DENND4C: variants seen among roughly 807,000 people sequenced by gnomAD.
DENND4C encodes the protein DENN domain-containing protein 4C.
A neutral mutation model predicts 203.0 loss-of-function variants in DENND4C; 108 were observed. The observed-to-expected ratio is 0.53, with a 90% CI of 0.46 to 0.62. The LOEUF is 0.62. Ranked by LOEUF, DENND4C falls within the 20% of genes least tolerant of loss-of-function variation. The probability of loss-of-function intolerance (pLI) is 0.00; values close to 1 mark genes in which losing one functional copy is unlikely to be tolerated. For synonymous variants in DENND4C, 871 were observed against 792.4 expected, an observed-to-expected ratio of 1.10 and a Z score of -1.67; for missense variants, 2,481 against 2,301.2, an observed-to-expected ratio of 1.08 and a Z score of -1.60.
At chr9:19,325,798 G>C (rs771712184) in intron 13 of DENND4C, 141 bp from the exon 14 acceptor site, 10 of 751,334 alleles carry the variant, frequency 1.3e-5, no homozygotes, top group Non-Finnish European at 2.0e-5. Context: ...TATGTATTCA[G>C]CCTAAAAATA....
chr9:19,249,664 G>T (rs993204348), intron 1 of DENND4C, among the ~76,000 whole-genome samples: 1 of 152,192 alleles, frequency 6.6e-6, no homozygotes, highest in Admixed American at 6.5e-5. Context: ...CCTGAGTGAA[G>T]AAAATCAACA....
intron 1 of DENND4C, among the ~76,000 whole-genome samples, chr9:19,245,981 C>A (rs764832580): frequency 6.7e-6 from 1 of 150,126 alleles, no homozygotes; most frequent in South Asian, 2.1e-4. Context: ...TTTTTCAGTT[C>A]TCTCACTGGA....
chr9:19,234,530 G>GTTT lies in DENND4C; in HGVS notation c.-18+3717_-18+3719dup, dbSNP rs34232597. On this transcript the variant is annotated intron_variant, in intron 1 of 32. Coordinates refer to ENST00000434457, the MANE Select transcript of DENND4C (RefSeq NM_001330640.2). ...TAGGTGTGAGCCACAGCACCTGGCT[G>GTTT]TTTTTTTTTTTTTTTTTTTTTTAAC... 9.7e-3 allele frequency among the ~76,000 whole-genome samples: 1,012 copies of GTTT among 104,322 alleles called. 27 individuals are homozygous for GTTT. The highest frequency in any genetic ancestry group is 0.033 in the Middle Eastern group (5 of 150). 68.4% of individuals were successfully genotyped at this position (104,322 alleles called of 152,430 possible).
At chr9:19,245,161 C>T (rs1824837781) in intron 1 of DENND4C, among the ~76,000 whole-genome samples, 1 of 152,054 alleles carries the variant, frequency 6.6e-6, no homozygotes, top group Admixed American at 6.6e-5. Flanking sequence ...TTTTATTGGT[C>T]TGATTTTTTT....
intron 4 of DENND4C, among the ~76,000 whole-genome samples, chr9:19,289,003 A>G (rs956619135): frequency 6.6e-6 from 1 of 152,212 alleles, no homozygotes; most frequent in Non-Finnish European, 1.5e-5. Flanking sequence ...GCAATCAGAA[A>G]GGTGTCAAAC....
chr9:19,305,468 T>G lies in DENND4C; in HGVS notation c.1428T>G (p.Asp476Glu). The G allele has an allele frequency of 6.2e-7, 1 of 1,613,932 alleles. No homozygotes were observed. The highest frequency in any genetic ancestry group is 1.1e-5 in the South Asian group (1 of 91,080). ...FIVGVDSRYF[D>E]LHDPPQDVVC... is the part of the protein sequence containing the mutation. ...TTGGAGTTGACTCAAGGTATTTTGATCTTCATGACCCACCACAAGATGTTG... is the reference window on the plus strand; with the variant it reads ...TTGGAGTTGACTCAAGGTATTTTGAGCTTCATGACCCACCACAAGATGTTG... Residue 476 changes from aspartate (D) to glutamate (E), a missense_variant, in exon 10 of 33, where the codon GAT becomes GAG. By Grantham distance (45) the Asp-to-Glu change is conservative (BLOSUM62 2). Transcript: ENST00000434457.
chr9:19,355,507 ATCCAGTTATCCCAATATT>A, intron 26 of DENND4C, among the ~76,000 whole-genome samples: 1 of 152,262 alleles, frequency 6.6e-6, no homozygotes, highest in African/African-American at 2.4e-5. Flanking sequence ...CCATGTAACA[ATCCAGTTATCCCAATATT>A]ATCCACTAAA....
chr9:19,299,174 T>C (rs1838050429), intron 7 of DENND4C, 55 bp from the exon 8 acceptor site: 9 of 1,342,964 alleles, frequency 6.7e-6, no homozygotes, highest in Admixed American at 2.5e-5. Context: ...TTGAAACTTA[T>C]CTCTTGGTTT....
intron 1 of DENND4C, among the ~76,000 whole-genome samples, chr9:19,271,005 A>G (rs1218015129): frequency 6.6e-6 from 1 of 152,188 alleles, no homozygotes; most frequent in Non-Finnish European, 1.5e-5. Context: ...GTACTTAGGA[A>G]TAAATCTGAC....
At chr9:19,262,137 A>C (rs1829538319) in intron 1 of DENND4C, among the ~76,000 whole-genome samples, 1 of 116,234 alleles carries the variant, frequency 8.6e-6, no homozygotes, top group African/African-American at 3.3e-5. Context: ...CCCAGGCTGG[A>C]GTGCAGTGGT....
At chr9:19,354,254 A>G (rs1824839466) in intron 26 of DENND4C, among the ~76,000 whole-genome samples, 1 of 152,172 alleles carries the variant, frequency 6.6e-6, no homozygotes, top group Admixed American at 6.6e-5. Flanking sequence ...TGTTACTACA[A>G]ACACCACGGT....
At chr9:19,306,885 A>T (rs1839791705) in intron 10 of DENND4C, among the ~76,000 whole-genome samples, 1 of 151,950 alleles carries the variant, frequency 6.6e-6, no homozygotes, top group Admixed American at 6.6e-5. Context: ...GGATCAAGTG[A>T]TTCTCCTGCC....
At chr9:19,269,663 T>C (rs1040967528) in intron 1 of DENND4C, among the ~76,000 whole-genome samples, 3 of 152,232 alleles carry the variant, frequency 2.0e-5, no homozygotes, top group African/African-American at 7.2e-5. Context: ...CTCTGTATTA[T>C]CTTGAATTTC....
intron 1 of DENND4C, among the ~76,000 whole-genome samples, chr9:19,275,298 CTTT>C (rs34272025): frequency 1.1e-5 from 1 of 87,366 alleles, no homozygotes; most frequent in Non-Finnish European, 2.2e-5. Flanking sequence ...TTTTCTTTCT[CTTT>C]TTTTTTTTTG....
At chr9:19,274,389 G>A (rs748263011) in intron 1 of DENND4C, among the ~76,000 whole-genome samples, 2 of 151,890 alleles carry the variant, frequency 1.3e-5, no homozygotes, top group Non-Finnish European at 2.9e-5. Context: ...TCCGCCTACC[G>A]GGTTCAAGCG....
At chr9:19,284,728 C>A (rs954846075) in intron 2 of DENND4C, among the ~76,000 whole-genome samples, 2 of 151,872 alleles carry the variant, frequency 1.3e-5, no homozygotes, top group Non-Finnish European at 2.9e-5. Flanking sequence ...TATTCTTTTG[C>A]TTATACTATA....
At chr9:19,293,573 G>T (rs1475047670) in intron 5 of DENND4C, among the ~76,000 whole-genome samples, 1 of 152,196 alleles carries the variant, frequency 6.6e-6, no homozygotes, top group Non-Finnish European at 1.5e-5. Context: ...CAGAGGTAAG[G>T]ATTGATTGCT....
At chr9:19,289,246 C>T (rs1034571014) in intron 4 of DENND4C, among the ~76,000 whole-genome samples, 3 of 152,170 alleles carry the variant, frequency 2.0e-5, no homozygotes, top group Admixed American at 6.5e-5. Flanking sequence ...TTAAGTGTCA[C>T]GTCTTCATTC....
At position 19,346,926 on chromosome 9, in the gene DENND4C, C is replaced by T. The variant is rs778591031; in HGVS notation, c.4157C>T (p.Ser1386Leu). ...CTGGTGCGTTCTTCGCCACATGGCT[C>T]GTTGGGTTCTGTAGTAAATTCTTTG... ...SALVRSSPHGSLGSVVNSLSG... is the reference protein window; with the variant it reads ...SALVRSSPHGLLGSVVNSLSG... Residue 1386 changes from serine (S) to leucine (L), a missense_variant, in exon 23 of 33, where the codon TCG becomes TTG. By Grantham distance (145) the Ser-to-Leu change is moderately radical. Coordinates refer to ENST00000434457, the MANE Select transcript of DENND4C (RefSeq NM_001330640.2). 9.3e-6 allele frequency: 15 copies of T among 1,614,048 alleles called. No individual in the cohort carries two copies. The South Asian group carries it at 9.9e-5, about 11-fold the overall frequency.
Sources: gnomAD v4.1 joint callset for allele counts (sites outside exome capture counted in the v4.1 genomes callset) on GRCh38, gnomAD v4.1.1 for gene constraint, MANE v1.5 for transcripts, NCBI Gene and HGNC (gene_info 2026-07-23, HGNC 2026-07-21) for gene names.